Variants in TCTN3 observed in about 807,000 individuals in gnomAD.
TCTN3 encodes tectonic-3.
Under a neutral mutation model 71.3 loss-of-function variants are expected in TCTN3, and 57 were observed. The ratio of observed to expected loss-of-function variants is 0.80; its 90% CI spans 0.65 to 1.00. The LOEUF is 1.00. Ranked by LOEUF, TCTN3 falls within the 50% of genes least tolerant of loss-of-function variation. TCTN3 has a pLI of 0.00. For missense variants in TCTN3, 696 were observed against 719.9 expected, an observed-to-expected ratio of 0.97 and a Z score of 0.38; for synonymous variants, 258 against 267.8, an observed-to-expected ratio of 0.96 and a Z score of 0.36.
intron 9 of TCTN3, among the ~76,000 whole-genome samples, chr10:95,684,029 G>C (rs556015215): frequency 9.2e-5 from 14 of 152,178 alleles, no homozygotes; most frequent in Non-Finnish European, 1.8e-4. Context: ...ACAGCAGTTG[G>C]TTGATCACCT....
rs1429894612 is a variant in TCTN3, at chr10:95,693,539, C to G, written c.257-63G>C. The G allele has an allele frequency of 1.9e-6, 3 of 1,549,654 alleles. No individual in the cohort carries two copies. The African/African-American group carries it at 4.1e-5, about 21-fold the overall frequency. On this transcript the variant is annotated intron_variant, in intron 1 of 13. Transcript: ENST00000371217. ...CCCCAAACTCTCCCAGGTGCTCACC[C>G]TCCTTCTTCCGACAGCCCCACTCCT... is the stretch of plus-strand genomic sequence containing the variant.
At chr10:95,670,896 C>T (rs1589604041) in intron 13 of TCTN3, among the ~76,000 whole-genome samples, 1 of 152,274 alleles carries the variant, frequency 6.6e-6, no homozygotes, top group Non-Finnish European at 1.5e-5. Flanking sequence ...TTCCTAGGCT[C>T]AAGTGATCCT....
intron 3 of TCTN3, 161 bp downstream of exon 3, chr10:95,692,759 T>A (rs1050093032): frequency 3.6e-6 from 2 of 554,726 alleles, no homozygotes; most frequent in Non-Finnish European, 6.4e-6. Flanking sequence ...ACATTTGACA[T>A]TTTTTTTGCT....
intron 13 of TCTN3, among the ~76,000 whole-genome samples, chr10:95,671,161 A>C (rs962379791): frequency 4.6e-5 from 7 of 152,164 alleles, no homozygotes; most frequent in African/African-American, 1.7e-4. Flanking sequence ...AACTCTCTCA[A>C]AATCTGGTCA....
chr10:95,683,668 G>C (rs757357681), intron 9 of TCTN3, 39 bp from the exon 10 acceptor site: 1 of 1,562,798 alleles, frequency 6.4e-7, no homozygotes, highest in South Asian at 1.2e-5. Context: ...ATGGAGATAA[G>C]CATACTTTCC....
chr10:95,680,254 T>G (rs1429708733), intron 13 of TCTN3, among the ~76,000 whole-genome samples: 1 of 151,786 alleles, frequency 6.6e-6, no homozygotes, highest in Non-Finnish European at 1.5e-5. Flanking sequence ...CAGATTTTTT[T>G]TAAAAAAGGA....
intron 10 of TCTN3, 68 bp from the exon 11 acceptor site, chr10:95,683,263 T>C: frequency 6.4e-7 from 1 of 1,550,514 alleles, no homozygotes. Context: ...TTGCAAAATT[T>C]ATGTTCTCAT....
chr10:95,690,876 C>T (rs943665015), intron 3 of TCTN3, among the ~76,000 whole-genome samples: 20 of 152,078 alleles, frequency 1.3e-4, no homozygotes, highest in African/African-American at 4.8e-4. Context: ...ATAATCAGAA[C>T]CAAAGGGAAA....
Position 95,693,289 on chromosome 10 carries a change from T to A in TCTN3, c.380+64A>T, listed in dbSNP as rs2097955402. Reference sequence around the variant, plus strand: ...GGCACAAAGACTAACTCTTCTTACATCCAAATGTTACCCGTTGTAGGCCCC... The same window carrying A: ...GGCACAAAGACTAACTCTTCTTACAACCAAATGTTACCCGTTGTAGGCCCC... On this transcript the variant is annotated intron_variant, in intron 2 of 13. Transcript: ENST00000371217. The A allele has an allele frequency of 2.6e-6, 4 of 1,546,144 alleles. No homozygotes were observed. The Admixed American group carries it at 6.0e-5, about 23-fold the overall frequency.
chr10:95,687,410 C>T (rs2097949448), intron 4 of TCTN3, 55 bp from the exon 5 acceptor site: 5 of 1,537,722 alleles, frequency 3.3e-6, no homozygotes, highest in Non-Finnish European at 4.4e-6. Flanking sequence ...TAAACTACAA[C>T]AGAAAAGAAA....
In TCTN3 at chr10:95,680,544, A is replaced by C. The variant is rs757139578; in HGVS notation, c.1518T>G (p.Tyr506Ter). The C allele has an allele frequency of 7.4e-6, 12 of 1,614,072 alleles. No homozygotes were observed. In the South Asian group the frequency reaches 1.1e-4, roughly 15 times the overall value. Residue 506 changes from tyrosine (Y) to a stop codon, truncating the protein, a stop_gained, in exon 13 of 14, where the codon TAT (tyrosine) becomes TAG (stop). Transcript: ENST00000371217. LOFTEE classifies it high-confidence loss of function. ...VSLEIQVLWA[Y>*]VGLLSNPQAH... The stretch of plus-strand genomic sequence containing the variant: ...CTTGCGGGTTGGACAGGAGACCTAC[A>C]TATGCCCACAATACCTGGATCTCCA...
Position 95,680,505 on chromosome 10 carries a change from T to C in TCTN3, c.1557A>G (p.Gly519=), listed in dbSNP as rs2097941858. ...LLSNPQAHVS[G]VRFLYQCQSI... ...ACTGGCACTGGTATAGGAATCGAAC[T>C]CCTGATACATGAGCTTGCGGGTTGG... The change falls in exon 13 of 14, where the codon GGA becomes GGG. Residue 519 remains glycine (G), a synonymous_variant. Transcript: ENST00000371217. The C allele has an allele frequency of 6.2e-7, 1 of 1,614,136 alleles. No individual in the cohort carries two copies. The highest frequency in any genetic ancestry group is 1.3e-5 in the African/African-American group (1 of 75,054).
At chr10:95,687,962 C>A (rs2097950048) in intron 3 of TCTN3, among the ~76,000 whole-genome samples, 1 of 152,048 alleles carries the variant, frequency 6.6e-6, no homozygotes, top group Non-Finnish European at 1.5e-5. Context: ...ATTTCCATCA[C>A]TTCTTATTCA....
chr10:95,682,909 C>A (rs2097944482), intron 11 of TCTN3, 105 bp from the exon 12 acceptor site: 4 of 1,435,372 alleles, frequency 2.8e-6, no homozygotes, highest in Non-Finnish European at 3.8e-6. Flanking sequence ...TAAAATAGAC[C>A]AGAGGGTATA....
chr10:95,672,685 C>CTTTTT (rs766029244), intron 13 of TCTN3, among the ~76,000 whole-genome samples: 26 of 80,400 alleles, frequency 3.2e-4, no homozygotes, highest in Non-Finnish European at 4.8e-4. Flanking sequence ...CTGTTCAAAT[C>CTTTTT]TTTTTTTTTT....
At chr10:95,689,984 A>G (rs1476868346) in intron 3 of TCTN3, among the ~76,000 whole-genome samples, 1 of 152,096 alleles carries the variant, frequency 6.6e-6, no homozygotes, top group Non-Finnish European at 1.5e-5. Flanking sequence ...TCGTAGATAC[A>G]TATTTTTTTG....
rs1449792057 is a variant in TCTN3 at position 95,687,649 on chromosome 10, A to C, written c.570T>G (p.Phe190Leu). 3.1e-6 allele frequency: 5 copies of C among 1,614,100 alleles called. No individual in the cohort carries two copies. The highest frequency in any genetic ancestry group is 1.1e-5 in the South Asian group (1 of 91,088). ...ATGTTGAAGTGAATGATTCGCCTCC[A>C]AACTCTGCAGCCAGGGCCTGGAAGT... Reference protein sequence around the residue: ...ATNFQALAAEFGGESFTSTFQ... With the variant: ...ATNFQALAAELGGESFTSTFQ... Residue 190 changes from phenylalanine to leucine, a missense_variant, in exon 4 of 14, where the codon TTT becomes TTG. Phe to Leu is a conservative substitution (Grantham distance 22). Transcript: ENST00000371217.
chr10:95,687,839 C>CA, intron 3 of TCTN3, 120 bp from the exon 4 acceptor site: 1 of 1,204,526 alleles, frequency 8.3e-7, no homozygotes, highest in Non-Finnish European at 1.1e-6. Flanking sequence ...AGTGTAAACT[C>CA]AAAGAATTTT....
intron 13 of TCTN3, among the ~76,000 whole-genome samples, chr10:95,674,587 C>G (rs1035047781): frequency 1.3e-5 from 2 of 151,892 alleles, no homozygotes; most frequent in Non-Finnish European, 2.9e-5. Context: ...CATTTTTTTC[C>G]TATCTAAAAT....
Sources: gnomAD v4.1 joint callset for allele counts (sites outside exome capture counted in the v4.1 genomes callset) on GRCh38, gnomAD v4.1.1 for gene constraint, MANE v1.5 for transcripts, NCBI Gene and HGNC (gene_info 2026-07-23, HGNC 2026-07-21) for gene names.